The following CUL5 variants were observed in gnomAD, a reference collection of about 807,000 sequenced individuals.
The protein encoded by CUL5 is cullin-5.
A neutral mutation model predicts 108.8 loss-of-function variants in CUL5; 26 were observed. The observed-to-expected ratio is 0.24, with a 90% confidence interval of 0.18 to 0.33. The LOEUF (loss-of-function observed/expected upper bound fraction) is 0.33. CUL5 is among the 10% of genes least tolerant of loss of function. CUL5 has a pLI of 1.00. For synonymous variants in CUL5, 334 were observed against 298.0 expected, an observed-to-expected ratio of 1.12 and a Z score of -1.25; for missense variants, 524 against 909.2, an observed-to-expected ratio of 0.58 and a Z score of 5.45.
chr11:108,034,174 G>A (rs1862666828), intron 2 of CUL5, among the ~76,000 whole-genome samples: 1 of 152,152 alleles, frequency 6.6e-6, no homozygotes, highest in Non-Finnish European at 1.5e-5. Context: ...AAAGGTACAT[G>A]GGGTGAAGTG....
chr11:108,106,355 C>T lies in CUL5; in HGVS notation c.*1971C>T, dbSNP rs1864801047. 1 of 152,308 alleles carries T rather than the reference C, an allele frequency of 6.6e-6. No homozygotes were observed. Among genetic ancestry groups the T allele is most frequent in the Non-Finnish European group, 1.5e-5 (1 of 67,924 alleles). 9.4% of individuals were successfully genotyped at this position (152,308 alleles called of 1,614,324 possible). A position where few individuals can be genotyped will look rare whatever the true frequency, so the allele number is the denominator to read the frequency against. ...TTTTTTGGAACTTCTAATTTTGGGTCATTTAATTTAAGAATGAGAGTCATG... is the reference window on the plus strand; with the variant it reads ...TTTTTTGGAACTTCTAATTTTGGGTTATTTAATTTAAGAATGAGAGTCATG... On this transcript the variant is annotated 3_prime_UTR_variant, in exon 19 of 19. Coordinates refer to ENST00000393094, the MANE Select transcript of CUL5 (RefSeq NM_003478.6).
At chr11:108,053,678 CTTTTTTT>C (rs35844502) in intron 5 of CUL5, among the ~76,000 whole-genome samples, 2 of 129,342 alleles carry the variant, frequency 1.5e-5, no homozygotes, top group Admixed American at 1.6e-4. Flanking sequence ...GTATACCATG[CTTTTTTT>C]TTTTTTTTTT....
Position 108,104,286 on chromosome 11 carries a change from C to CA in CUL5, c.2249dup (p.Lys751GlufsTer20). 1 of 1,609,750 alleles carries CA rather than the reference C, an allele frequency of 6.2e-7. No individual in the cohort carries two copies. Reference sequence around the variant, plus strand: ...AATTTTGAAAAACATGTTCTTGCCACAAAAGAAAATGATAAAAGAGCAAAT... The same window carrying CA: ...AATTTTGAAAAACATGTTCTTGCCACAAAAAGAAAATGATAAAAGAGCAAAT... On this transcript the variant is annotated frameshift_variant, in exon 19 of 19. Transcript: ENST00000393094. LOFTEE classifies it high-confidence loss of function.
rs185477791 is a variant in CUL5 at position 108,103,213 on chromosome 11, C to A, written c.2149-977C>A. The stretch of plus-strand genomic sequence containing the variant: ...TAAACTTAACAGTAATTAAGGAAAT[C>A]ATCAAGAAAAATTTTGATAAAATGA... On this transcript the variant is annotated intron_variant, in intron 18 of 18. Coordinates refer to ENST00000393094, the MANE Select transcript of CUL5 (RefSeq NM_003478.6). Among the ~76,000 whole-genome samples, 10 of 152,240 alleles carry A rather than the reference C, an allele frequency of 6.6e-5. No homozygotes were observed. The East Asian group carries it at 1.7e-3, about 26-fold the overall frequency.
intron 1 of CUL5, among the ~76,000 whole-genome samples, chr11:108,022,376 T>C (rs1443702525): frequency 6.6e-6 from 1 of 152,250 alleles, no homozygotes; most frequent in African/African-American, 2.4e-5. Flanking sequence ...TAAACATTTT[T>C]ATTTTTTAAC....
At chr11:108,082,218 CCTTT>C (rs1864105117) in intron 11 of CUL5, among the ~76,000 whole-genome samples, 1 of 150,076 alleles carries the variant, frequency 6.7e-6, no homozygotes, top group Non-Finnish European at 1.5e-5. Context: ...CTCCCTCTTT[CCTTT>C]CTTTTCCTTC....
intron 1 of CUL5, among the ~76,000 whole-genome samples, chr11:108,027,510 C>A (rs1054691941): frequency 9.9e-5 from 15 of 151,958 alleles, no homozygotes; most frequent in Non-Finnish European, 1.6e-4. Flanking sequence ...GATGTCAAGT[C>A]ATCCACCCAC....
chr11:108,082,286 GT>G (rs756231516), intron 11 of CUL5, among the ~76,000 whole-genome samples: 193 of 122,338 alleles, frequency 1.6e-3, no homozygotes, highest in Middle Eastern at 4.0e-3. Flanking sequence ...CTTTCTTTCT[GT>G]TTTTTTTTTT....
chr11:108,069,704 G>C (rs2135178599), intron 7 of CUL5, among the ~76,000 whole-genome samples: 1 of 152,244 alleles, frequency 6.6e-6, no homozygotes, highest in East Asian at 1.9e-4. Context: ...TACTTCCTTA[G>C]TGCCTGCACG....
chr11:108,043,425 T>C (rs958860967), intron 2 of CUL5, among the ~76,000 whole-genome samples: 1 of 152,220 alleles, frequency 6.6e-6, no homozygotes, highest in African/African-American at 2.4e-5. Context: ...TGAGACTGTA[T>C]AGGTATGCAG....
intron 16 of CUL5, among the ~76,000 whole-genome samples, chr11:108,096,420 A>C (rs1473696993): frequency 6.6e-6 from 1 of 151,504 alleles, no homozygotes; most frequent in Non-Finnish European, 1.5e-5. Context: ...TGAGCCCAGG[A>C]GGATGCAGTG....
chr11:108,077,397 G>A (rs1174887969), intron 10 of CUL5, among the ~76,000 whole-genome samples: 2 of 152,192 alleles, frequency 1.3e-5, no homozygotes, highest in Non-Finnish European at 2.9e-5. Context: ...CTGTAATCCA[G>A]CACTTTGAGA....
At chr11:108,060,781 G>A (rs963185989) in intron 7 of CUL5, among the ~76,000 whole-genome samples, 2 of 151,862 alleles carry the variant, frequency 1.3e-5, no homozygotes, top group African/African-American at 4.8e-5. Context: ...AGGTTGCAGT[G>A]AGATCGCGCC....
rs80341851 is a variant in CUL5 at position 108,011,473 on chromosome 11, A to G, written c.24+2101A>G. 5.6e-3 allele frequency among the ~76,000 whole-genome samples: 847 copies of G among 152,314 alleles called. 6 individuals carry two copies. The highest frequency in any genetic ancestry group is 0.018 in the African/African-American group (755 of 41,554). Reference sequence around the variant, plus strand: ...TTTAAAAGCTCACAAGAATTTAAAAAGTGTTTTAACTTGAACATTTACAAA... The same window carrying G: ...TTTAAAAGCTCACAAGAATTTAAAAGGTGTTTTAACTTGAACATTTACAAA... On this transcript the variant is annotated intron_variant, in intron 1 of 18. Transcript: ENST00000393094.
At chr11:108,065,717 T>C (rs1199768416) in intron 7 of CUL5, among the ~76,000 whole-genome samples, 1 of 152,316 alleles carries the variant, frequency 6.6e-6, no homozygotes, top group Non-Finnish European at 1.5e-5. Context: ...TTTCCTACCC[T>C]CTTCAGTGCC....
At position 108,106,202 on chromosome 11, in the gene CUL5, A is replaced by G. The variant is rs1400528216; in HGVS notation, c.*1818A>G. On this transcript the variant is annotated 3_prime_UTR_variant, in exon 19 of 19. Transcript: ENST00000393094. ...TGTAGTAATTGTGGCCCTTATGTTT[A>G]ACAGATAATTCAGCATTGGCGTATT... The G allele has an allele frequency of 6.6e-6, 1 of 152,610 alleles. No homozygotes were observed. The highest frequency in any genetic ancestry group is 1.5e-5 in the Non-Finnish European group (1 of 68,002). 9.5% of individuals were successfully genotyped at this position (152,610 alleles called of 1,614,324 possible).
At chr11:108,058,511 G>A (rs1427219261) in intron 7 of CUL5, among the ~76,000 whole-genome samples, 5 of 151,018 alleles carry the variant, frequency 3.3e-5, no homozygotes, top group African/African-American at 1.2e-4. Flanking sequence ...GCCTCCCAAA[G>A]TGCTGGGATT....
chr11:108,061,293 G>A (rs1863526189), intron 7 of CUL5, among the ~76,000 whole-genome samples: 1 of 152,066 alleles, frequency 6.6e-6, no homozygotes, highest in South Asian at 2.1e-4. Flanking sequence ...TACAAAAGAG[G>A]AATAACATGA....
chr11:108,030,452 A>G (rs573040181), intron 1 of CUL5, among the ~76,000 whole-genome samples: 39 of 152,310 alleles, frequency 2.6e-4, no homozygotes, highest in African/African-American at 9.4e-4. Flanking sequence ...AGCCTGATGA[A>G]CACAGAGAAA....
Sources: allele counts gnomAD v4.1 joint callset (sites outside exome capture counted in the v4.1 genomes callset), GRCh38; gene constraint gnomAD v4.1.1; transcripts MANE v1.5; gene names NCBI Gene and HGNC (gene_info 2026-07-23, HGNC 2026-07-21).